The following SATB2 variants were observed in gnomAD, a reference collection of about 807,000 sequenced individuals.
SATB2 encodes the protein DNA-binding protein SATB2.
Under a neutral mutation model 73.4 loss-of-function variants are expected in SATB2, and 1 was observed. The ratio of observed to expected loss-of-function variants is 0.01; its 90% CI spans 0.00 to 0.06. The LOEUF (loss-of-function observed/expected upper bound fraction) is 0.06, where lower values mean the gene tolerates loss of function less well. Among genes scored for constraint, SATB2 ranks in the 10% least tolerant of loss-of-function variants. SATB2 has a pLI of 1.00. For missense variants in SATB2, 459 were observed against 945.8 expected, an observed-to-expected ratio of 0.49 and a Z score of 6.75; for synonymous variants, 397 against 367.0, an observed-to-expected ratio of 1.08 and a Z score of -0.93.
intron 10 of SATB2, among the ~76,000 whole-genome samples, chr2:199,289,093 G>C (rs1259979829): frequency 1.3e-5 from 2 of 152,168 alleles, no homozygotes; most frequent in Non-Finnish European, 2.9e-5. Context: ...CTTCCCAAAA[G>C]TTTGGGCTCT....
At chr2:199,458,698 T>G (rs993139052), upstream of SATB2, 3 of 443,058 alleles carry the variant, frequency 6.8e-6, no homozygotes, top group Non-Finnish European at 1.4e-5. Context: ...CTCCCAGCTC[T>G]GTTAACTGCG....
At chr2:199,427,868 A>G (rs1275623291) in intron 3 of SATB2, among the ~76,000 whole-genome samples, 1 of 152,182 alleles carries the variant, frequency 6.6e-6, no homozygotes, top group South Asian at 2.1e-4. Flanking sequence ...GATCTTCCCA[A>G]TAGTACATTG....
At chr2:199,356,225 C>CAAAAAAAAAAAAAAA (rs200509001) in intron 6 of SATB2, among the ~76,000 whole-genome samples, 17 of 100,968 alleles carry the variant, frequency 1.7e-4, no homozygotes, top group African/African-American at 4.1e-4. Context: ...GAACATAAGC[C>CAAAAAAAAAAAAAAA]AAAAAAAAAA....
chr2:199,323,758 G>T, intron 9 of SATB2, 45 bp downstream of exon 9: 1 of 1,575,344 alleles, frequency 6.3e-7, no homozygotes, highest in Non-Finnish European at 8.7e-7. Context: ...GAAGGAGAAG[G>T]ATCTAATTCC....
At chr2:199,281,802 C>T (rs1692505918) in intron 10 of SATB2, among the ~76,000 whole-genome samples, 2 of 151,810 alleles carry the variant, frequency 1.3e-5, no homozygotes, top group Non-Finnish European at 2.9e-5. Context: ...CTGTGAGCTA[C>T]ATATTGGCAT....
intron 3 of SATB2, among the ~76,000 whole-genome samples, chr2:199,410,886 T>C (rs1471240446): frequency 6.6e-6 from 1 of 152,196 alleles, no homozygotes; most frequent in African/African-American, 2.4e-5. Context: ...TACATTCACC[T>C]TTGTAAATAT....
chr2:199,304,716 A>T (rs1482174632), intron 10 of SATB2, among the ~76,000 whole-genome samples: 1 of 152,204 alleles, frequency 6.6e-6, no homozygotes, highest in Non-Finnish European at 1.5e-5. Flanking sequence ...GATCCTGAAG[A>T]ACTAGCTTCC....
chr2:199,443,539 CAAAAA>C (rs10598063), intron 2 of SATB2, among the ~76,000 whole-genome samples: 9 of 133,310 alleles, frequency 6.8e-5, no homozygotes, highest in Non-Finnish European at 6.3e-5. Flanking sequence ...AAAGTTATAG[CAAAAA>C]AAAAAAAAAA....
At chr2:199,468,982 G>A (rs1028179827), upstream of SATB2, 2 of 152,312 alleles carry the variant, frequency 1.3e-5, no homozygotes, top group Non-Finnish European at 2.9e-5. Context: ...GACAGGGCCG[G>A]TGAACCCGAT....
intron 10 of SATB2, among the ~76,000 whole-genome samples, chr2:199,275,279 C>T (rs914148302): frequency 3.9e-5 from 6 of 152,132 alleles, no homozygotes; most frequent in African/African-American, 1.4e-4. Flanking sequence ...TCCTTAGGTC[C>T]AACCAACTAG....
chr2:199,422,700 T>G (rs1489143117), intron 3 of SATB2, among the ~76,000 whole-genome samples: 1 of 152,156 alleles, frequency 6.6e-6, no homozygotes, highest in African/African-American at 2.4e-5. Context: ...TCTCTGAGCC[T>G]CAGCCTCTTC....
upstream of SATB2, among the ~76,000 whole-genome samples, chr2:199,466,856 T>C (rs1305842948): frequency 6.6e-6 from 1 of 152,270 alleles, no homozygotes; most frequent in African/African-American, 2.4e-5. Flanking sequence ...CAAGCCTGGC[T>C]TTTGCCAGAC....
chr2:199,427,869 T>C (rs1156240738), intron 3 of SATB2, among the ~76,000 whole-genome samples: 1 of 152,168 alleles, frequency 6.6e-6, no homozygotes, highest in Non-Finnish European at 1.5e-5. Context: ...ATCTTCCCAA[T>C]AGTACATTGT....
In SATB2 at chr2:199,341,531, T is replaced by C. The variant is rs1688506139; in HGVS notation, c.1173+7170A>G. 2.0e-5 allele frequency among the ~76,000 whole-genome samples: 3 copies of C among 152,198 alleles called. 1 individual carries two copies. ...GTTTCTGTCTCATTTTTATTCATTC[T>C]CTCTCTTTCCTCCACATTCAATATC... On this transcript the variant is annotated intron_variant, in intron 7 of 10. Coordinates refer to ENST00000417098, the MANE Select transcript of SATB2 (RefSeq NM_001172509.2).
chr2:199,360,166 C>T (rs1308625707), intron 6 of SATB2, among the ~76,000 whole-genome samples: 1 of 152,168 alleles, frequency 6.6e-6, no homozygotes. Context: ...CTGATTTTCA[C>T]CTGCTGGTCT....
intron 9 of SATB2, among the ~76,000 whole-genome samples, chr2:199,312,209 G>A (rs1211818452): frequency 6.6e-6 from 1 of 152,116 alleles, no homozygotes; most frequent in Non-Finnish European, 1.5e-5. Context: ...TGTTTTCTCT[G>A]TGTTATGTGG....
chr2:199,423,773 C>T (rs538943696), intron 3 of SATB2: 1 of 152,168 alleles, frequency 6.6e-6, no homozygotes, highest in Non-Finnish European at 1.5e-5. Flanking sequence ...ACAGGCTGCC[C>T]TCTTAGCTCA....
chr2:199,448,869 G>A (rs986860622), intron 2 of SATB2, among the ~76,000 whole-genome samples: 4 of 151,948 alleles, frequency 2.6e-5, no homozygotes, highest in Admixed American at 6.6e-5. Context: ...CCAATGATAC[G>A]GCTACTAGGT....
At chr2:199,423,119 A>C (rs1159009639) in intron 3 of SATB2, among the ~76,000 whole-genome samples, 1 of 152,194 alleles carries the variant, frequency 6.6e-6, no homozygotes, top group East Asian at 1.9e-4. Flanking sequence ...CCAAAACCCT[A>C]GTTCTAGACG....
Sources: gnomAD v4.1 joint callset for allele counts (sites outside exome capture counted in the v4.1 genomes callset) on GRCh38, gnomAD v4.1.1 for gene constraint, MANE v1.5 for transcripts, NCBI Gene and HGNC (gene_info 2026-07-23, HGNC 2026-07-21) for gene names.